LDHAL6A: variants seen among roughly 807,000 people sequenced by gnomAD.
LDHAL6A encodes lactate dehydrogenase A like 6A.
Under a neutral mutation model 28.2 loss-of-function variants are expected in LDHAL6A, and 19 were observed. That is an observed-to-expected ratio of 0.67 (90% confidence interval 0.47 to 0.99). The LOEUF (loss-of-function observed/expected upper bound fraction) is 0.99. LDHAL6A is among the 50% of genes least tolerant of loss of function. The pLI is 0.00. For synonymous variants in LDHAL6A, 144 were observed against 134.4 expected, an observed-to-expected ratio of 1.07 and a Z score of -0.49; for missense variants, 372 against 398.6, an observed-to-expected ratio of 0.93 and a Z score of 0.57.
Position 18,464,078 on chromosome 11 carries a change from G to A in LDHAL6A, c.244G>A (p.Asp82Asn). 1 of 1,551,428 alleles carries A rather than the reference G, an allele frequency of 6.4e-7. No individual in the cohort carries two copies. The highest frequency in any genetic ancestry group is 1.1e-5 in the South Asian group (1 of 89,714). Residue 82 changes from aspartate (D) to asparagine (N), a missense_variant and splice_region_variant, in exon 2 of 7, where the codon GAT (aspartate) becomes AAT (asparagine). Coordinates refer to ENST00000280706, the MANE Select transcript of LDHAL6A (RefSeq NM_144972.5). ...MKMPNIVSSK[D>N]YLVTANSNLV... is the part of the protein sequence containing the mutation. ...AATGCCAAATATTGTCTCCAGCAAA[G>A]GTTAATGTCATAGTTAAATACTATA...
chr11:18,467,954 T>C (rs1464680795), intron 3 of LDHAL6A, among the ~76,000 whole-genome samples: 6 of 45,498 alleles, frequency 1.3e-4, no homozygotes, highest in South Asian at 1.3e-3. Context: ...CATATATATA[T>C]ACGTATATAT....
In LDHAL6A at chr11:18,467,880, CATATATATATATATATATATATATAT is replaced by C. The variant is rs1161164040; in HGVS notation, c.418+2084_418+2109del. ...CAAAAAAAATATATATATATACACA[CATATATATATATATATATATATATAT>C]ATATATATATATACACACACATATA... On this transcript the variant is annotated intron_variant, in intron 3 of 6. Transcript: ENST00000280706. Among the ~76,000 whole-genome samples the C allele has an allele frequency of 5.0e-4, 22 of 44,412 alleles. 2 individuals are homozygous for C. Among genetic ancestry groups the C allele is most frequent in the Middle Eastern group, 0.014 (1 of 72 alleles). 29.1% of individuals were successfully genotyped at this position (44,412 alleles called of 152,430 possible).
At chr11:18,457,014 T>A (rs1848777191) in intron 1 of LDHAL6A, among the ~76,000 whole-genome samples, 1 of 152,142 alleles carries the variant, frequency 6.6e-6, no homozygotes, top group Non-Finnish European at 1.5e-5. Flanking sequence ...GTTAGAAGCA[T>A]CTCTGTGAAA....
At chr11:18,466,651 C>CAAAAAA (rs67371371) in intron 3 of LDHAL6A, among the ~76,000 whole-genome samples, 1 of 79,332 alleles carries the variant, frequency 1.3e-5, no homozygotes. Flanking sequence ...GACCCTGTCT[C>CAAAAAA]AAAAAAAAAA....
chr11:18,472,236 C>G (rs1849272285), intron 3 of LDHAL6A, among the ~76,000 whole-genome samples: 1 of 152,078 alleles, frequency 6.6e-6, no homozygotes, highest in African/African-American at 2.4e-5. Context: ...GGATGACTAA[C>G]CGAGGTTCTT....
chr11:18,465,871 T>C lies in LDHAL6A; in HGVS notation c.418+61T>C, dbSNP rs974666952. 8.2e-6 allele frequency: 11 copies of C among 1,341,208 alleles called. No homozygotes were observed. In the African/African-American group the frequency reaches 1.4e-4, roughly 18 times the overall value. The allele number at this position is 1,341,208 out of a possible 1,614,324, so 83.1% of individuals were successfully genotyped here. ...TTCGGGGGTACACTGTGTAGGTTCA[T>C]TACATGAGTATACTGTGTGATGCTG... On this transcript the variant is annotated intron_variant, in intron 3 of 6. Coordinates refer to ENST00000280706, the MANE Select transcript of LDHAL6A (RefSeq NM_144972.5).
chr11:18,479,576 T>TAACA lies in LDHAL6A; in HGVS notation c.*707_*710dup, dbSNP rs371575274. On this transcript the variant is annotated 3_prime_UTR_variant, in exon 7 of 7. Coordinates refer to ENST00000280706, the MANE Select transcript of LDHAL6A (RefSeq NM_144972.5). The stretch of plus-strand genomic sequence containing the variant: ...ACACAGAGAGTAATCTAAATGTTCC[T>TAACA]AACACTAGATAAAACATTGATTTGA... 1.5e-3 allele frequency: 230 copies of TAACA among 152,304 alleles called. 2 individuals carry two copies. The highest frequency in any genetic ancestry group is 5.2e-3 in the African/African-American group (216 of 41,568). The allele number at this position is 152,304 out of a possible 1,614,324, so 9.4% of individuals were successfully genotyped here.
At chr11:18,469,592 ATC>A (rs1849209051) in intron 3 of LDHAL6A, among the ~76,000 whole-genome samples, 2 of 152,212 alleles carry the variant, frequency 1.3e-5, no homozygotes, top group African/African-American at 2.4e-5. Flanking sequence ...AAAAATCTCA[ATC>A]TCAAATGATT....
intron 2 of LDHAL6A, among the ~76,000 whole-genome samples, chr11:18,464,796 A>G (rs945108274): frequency 1.3e-5 from 2 of 151,946 alleles, no homozygotes; most frequent in Non-Finnish European, 2.9e-5. Flanking sequence ...TCACTACTGT[A>G]CTTTATTCAC....
In LDHAL6A at chr11:18,465,625, A is replaced by G. The variant is rs771885380; in HGVS notation, c.245-12A>G. On this transcript the variant is annotated splice_polypyrimidine_tract_variant and intron_variant, in intron 2 of 6. Transcript: ENST00000280706. ...CTTTCATAATCGATTGTTTATTCTAATCTTTCCTCAGATTACCTGGTCACT... is the reference window on the plus strand; with the variant it reads ...CTTTCATAATCGATTGTTTATTCTAGTCTTTCCTCAGATTACCTGGTCACT... 6.2e-7 allele frequency: 1 copy of G among 1,606,662 alleles called. No individual in the cohort carries two copies. Among genetic ancestry groups the G allele is most frequent in the Non-Finnish European group, 8.5e-7 (1 of 1,176,388 alleles).
chr11:18,464,980 TTTTTTTG>T (rs1396873379), intron 2 of LDHAL6A, among the ~76,000 whole-genome samples: 2 of 135,882 alleles, frequency 1.5e-5, no homozygotes, highest in Non-Finnish European at 3.1e-5. Context: ...TTTTTTTGTT[TTTTTTTG>T]TTTTGTTTTG....
In LDHAL6A at chr11:18,475,478, C is replaced by T. The variant is rs748879005; in HGVS notation, c.431C>T (p.Thr144Ile). ...LIVTNPVDIL[T>I]YVAWKLSGFP... ...TTTTTCTTCTTAGTGGATATCTTAA[C>T]TTATGTAGCCTGGAAGTTGAGTGGA... Residue 144 changes from threonine (T) to isoleucine (I), a missense_variant, in exon 4 of 7, where the codon ACT (threonine) becomes ATT (isoleucine). Transcript: ENST00000280706. 1.2e-6 allele frequency: 2 copies of T among 1,613,166 alleles called. No homozygotes were observed. The highest frequency in any genetic ancestry group is 1.1e-5 in the South Asian group (1 of 90,992).
Position 18,465,676 on chromosome 11 carries a change from C to A in LDHAL6A, c.284C>A (p.Thr95Lys). The A allele has an allele frequency of 6.2e-7, 1 of 1,613,994 alleles. No homozygotes were observed. Among genetic ancestry groups the A allele is most frequent in the South Asian group, 1.1e-5 (1 of 91,072 alleles). Residue 95 changes from threonine (T) to lysine (K), a missense_variant, in exon 3 of 7, where the codon ACA becomes AAA. By Grantham distance (78) the Thr-to-Lys change is moderately conservative. This residue lies in a region of LDHAL6A where 291 missense variants were observed against 302.9 expected (regional missense o/e 0.96). Coordinates refer to ENST00000280706, the MANE Select transcript of LDHAL6A (RefSeq NM_144972.5). ...VTANSNLVII[T>K]AGARQKKGET... is the part of the protein sequence containing the mutation. ...GCAAACTCCAATCTAGTGATTATCACAGCAGGTGCACGCCAGAAAAAAGGA... is the reference window on the plus strand; with the variant it reads ...GCAAACTCCAATCTAGTGATTATCAAAGCAGGTGCACGCCAGAAAAAAGGA...
At chr11:18,462,754 A>G (rs1590248160) in intron 1 of LDHAL6A, among the ~76,000 whole-genome samples, 1 of 151,760 alleles carries the variant, frequency 6.6e-6, no homozygotes, top group East Asian at 1.9e-4. Context: ...AATCACTAGA[A>G]CCCAGGAAGC....
intron 1 of LDHAL6A, among the ~76,000 whole-genome samples, chr11:18,462,909 C>G (rs1421074304): frequency 6.6e-6 from 1 of 150,752 alleles, no homozygotes; most frequent in African/African-American, 2.4e-5. Context: ...CTTTCCTTAG[C>G]ATCCACTTTA....
intron 1 of LDHAL6A, among the ~76,000 whole-genome samples, chr11:18,462,531 G>A (rs1367814735): frequency 6.6e-6 from 1 of 151,766 alleles, no homozygotes; most frequent in East Asian, 1.9e-4. Flanking sequence ...CAGCTACTCG[G>A]GAGGCTGAGG....
At chr11:18,460,561 C>T (rs1054070849) in intron 1 of LDHAL6A, among the ~76,000 whole-genome samples, 21 of 148,988 alleles carry the variant, frequency 1.4e-4, no homozygotes, top group African/African-American at 5.3e-4. Context: ...CCATTGCACT[C>T]CACCCTGGGC....
chr11:18,469,177 A>G (rs1265901280), intron 3 of LDHAL6A: 35 of 637,464 alleles, frequency 5.5e-5, no homozygotes, highest in Non-Finnish European at 9.2e-5. Context: ...CACCTGGTGG[A>G]GCTCCTTCAT....
At chr11:18,473,100 G>C (rs1849288457) in intron 3 of LDHAL6A, among the ~76,000 whole-genome samples, 1 of 151,308 alleles carries the variant, frequency 6.6e-6, no homozygotes, top group African/African-American at 2.4e-5. Flanking sequence ...TCTTATTTTT[G>C]ATATTGCAAA....
Sources: gnomAD v4.1 joint callset for allele counts (sites outside exome capture counted in the v4.1 genomes callset) on GRCh38, gnomAD v4.1.1 for gene constraint, gnomAD v4.1.1 regional missense constraint, MANE v1.5 for transcripts, NCBI Gene and HGNC (gene_info 2026-07-23, HGNC 2026-07-21) for gene names.